TCF7: variants seen among roughly 807,000 people sequenced by gnomAD.
TCF7 encodes transcription factor 7, also known as T-cell-factor-7.
TCF7 carries 19 observed loss-of-function variants against 46.8 expected under a neutral mutation model. The ratio of observed to expected loss-of-function variants is 0.41; its 90% CI spans 0.28 to 0.60. The LOEUF (loss-of-function observed/expected upper bound fraction) is 0.60. TCF7 is among the 20% of genes least tolerant of loss of function. The pLI, the probability that TCF7 is intolerant of heterozygous loss-of-function variation, is 0.35. For missense variants in TCF7, 547 were observed against 504.6 expected, an observed-to-expected ratio of 1.08 and a Z score of -0.81; for synonymous variants, 245 against 213.4, an observed-to-expected ratio of 1.15 and a Z score of -1.29.
intron 4 of TCF7, chr5:134,138,549 C>T (rs1759250143): frequency 7.1e-6 from 2 of 279,730 alleles, no homozygotes; most frequent in East Asian, 1.4e-4. Context: ...TCATTGTCAG[C>T]TGTGGGAAAC....
At chr5:134,112,991 G>C (rs976712821), upstream of TCF7, among the ~76,000 whole-genome samples, 1 of 152,164 alleles carries the variant, frequency 6.6e-6, no homozygotes, top group Admixed American at 6.5e-5. Flanking sequence ...GGGCAGATCC[G>C]GATTCCCTTT....
At chr5:134,115,532 G>C (rs974663803) in intron 2 of TCF7, 145 bp downstream of exon 2, 2 of 1,444,532 alleles carry the variant, frequency 1.4e-6, no homozygotes, top group Non-Finnish European at 1.8e-6. Flanking sequence ...AGAGTGGGGG[G>C]CGGGCTTCCC....
At position 134,146,448 on chromosome 5, in the gene TCF7, C is replaced by T. The variant is rs1208531471; in HGVS notation, c.*145C>T. 1 of 902,712 alleles carries T rather than the reference C, an allele frequency of 1.1e-6. No homozygotes were observed. 55.9% of individuals were successfully genotyped at this position (902,712 alleles called of 1,614,324 possible). A position where few individuals can be genotyped will look rare whatever the true frequency, so the allele number is the denominator to read the frequency against. On this transcript the variant is annotated 3_prime_UTR_variant, in exon 10 of 10. Coordinates refer to ENST00000342854, the MANE Select transcript of TCF7 (RefSeq NM_003202.5). The stretch of plus-strand genomic sequence containing the variant: ...GCTCTCAGCCTCCCAACCCCAGGGC[C>T]CCCACAGGCCCCCCGCAGCACCCTG...
intron 3 of TCF7, among the ~76,000 whole-genome samples, chr5:134,119,055 G>A (rs953568754): frequency 6.6e-6 from 1 of 152,192 alleles, no homozygotes; most frequent in Non-Finnish European, 1.5e-5. Flanking sequence ...GTGGTGAGTG[G>A]GGAGATAGTG....
chr5:134,142,599 T>A, intron 6 of TCF7, 122 bp from the exon 7 acceptor site: 1 of 1,324,642 alleles, frequency 7.5e-7, no homozygotes, highest in Non-Finnish European at 1.0e-6. Context: ...CTAGGAAAGA[T>A]TCCACTTAGA....
In TCF7 at chr5:134,147,320, T is replaced by C. The variant is rs1301257176; in HGVS notation, c.*1017T>C. 3.9e-5 allele frequency: 6 copies of C among 152,304 alleles called. No homozygotes were observed. The highest frequency in any genetic ancestry group is 7.3e-5 in the Non-Finnish European group (5 of 68,124). 9.4% of individuals were successfully genotyped at this position (152,304 alleles called of 1,614,324 possible). ...AGCTGCAGTCAACAGTTCAAAGAAG[T>C]CATGGCCCAAATCCAGTGTGCACCC... On this transcript the variant is annotated 3_prime_UTR_variant, in exon 10 of 10. Coordinates refer to ENST00000342854, the MANE Select transcript of TCF7 (RefSeq NM_003202.5).
chr5:134,115,609 C>G, intron 2 of TCF7: 2 of 1,432,716 alleles, frequency 1.4e-6, no homozygotes, highest in Non-Finnish European at 1.8e-6. Flanking sequence ...CCCCCGCCAT[C>G]CCCGCCTCCC....
intron 5 of TCF7, chr5:134,140,529 G>A (rs1421781705): frequency 6.1e-6 from 2 of 327,628 alleles, no homozygotes; most frequent in African/African-American, 2.2e-5. Flanking sequence ...GCCCTATACC[G>A]TCAAAGAAAC....
the TCF7 span, among the ~76,000 whole-genome samples, chr5:134,108,567 T>A: frequency 3.7e-3 from 568 of 152,244 alleles, 2 homozygotes; most frequent in African/African-American, 0.013. Flanking sequence ...GGGTGAGCTT[T>A]CCTCGGGGCA....
chr5:134,115,647 C>G (rs1755704689), intron 2 of TCF7: 1 of 1,431,938 alleles, frequency 7.0e-7, no homozygotes, highest in African/African-American at 1.4e-5. Flanking sequence ...GACTAATCCG[C>G]CGCCTTCAGG....
At chr5:134,145,692 G>C in intron 9 of TCF7, 1 of 1,604,930 alleles carries the variant, frequency 6.2e-7, no homozygotes, top group Non-Finnish European at 8.5e-7. Flanking sequence ...ATGCACGGTG[G>C]GAAACAACCC....
upstream of TCF7, among the ~76,000 whole-genome samples, chr5:134,113,483 G>A (rs1367945972): frequency 1.3e-5 from 2 of 152,270 alleles, no homozygotes; most frequent in Non-Finnish European, 2.9e-5. Flanking sequence ...CCGCTGCCAG[G>A]GGTCCTGTGG....
chr5:134,115,617 C>T (rs1049264534), intron 2 of TCF7: 1 of 1,431,602 alleles, frequency 7.0e-7, no homozygotes. Context: ...ATCCCCGCCT[C>T]CCCTCCTGCC....
At chr5:134,139,727 A>G (rs1386281915) in intron 5 of TCF7, 1 of 152,320 alleles carries the variant, frequency 6.6e-6, no homozygotes, top group African/African-American at 2.4e-5. Context: ...TCTCTAGCCT[A>G]TTTCAGAGAG....
chr5:134,141,974 A>AATCT (rs1280914453), intron 5 of TCF7: 2 of 533,652 alleles, frequency 3.7e-6, no homozygotes, highest in Non-Finnish European at 6.1e-6. Context: ...TCTGAATGGC[A>AATCT]ATCTATGTAG....
intron 3 of TCF7, among the ~76,000 whole-genome samples, chr5:134,127,691 G>A (rs559303536): frequency 1.2e-4 from 18 of 152,350 alleles, no homozygotes; most frequent in African/African-American, 3.4e-4. Flanking sequence ...ACTGGGGCAC[G>A]TTGAGGGCAG....
chr5:134,138,398 A>G (rs1056921835), intron 4 of TCF7, among the ~76,000 whole-genome samples: 4 of 152,218 alleles, frequency 2.6e-5, no homozygotes, highest in South Asian at 4.1e-4. Context: ...CCTAAATCCC[A>G]TGGGTGACCC....
At chr5:134,142,573 A>T in intron 6 of TCF7, 148 bp from the exon 7 acceptor site, 2 of 1,106,482 alleles carry the variant, frequency 1.8e-6, no homozygotes, top group Non-Finnish European at 2.5e-6. Context: ...CTGTCTGCTC[A>T]CCCATTTGGG....
In TCF7 at chr5:134,142,290, C is replaced by G; in HGVS notation, c.741C>G (p.Pro247=). 1.9e-6 allele frequency: 3 copies of G among 1,592,130 alleles called. No homozygotes were observed. The highest frequency in any genetic ancestry group is 2.6e-6 in the Non-Finnish European group (3 of 1,165,792). ...VPPSGKQELQ[P]FDRNLKTQAE... ...CCTCAGGGAAGCAGGAGCTGCAGCC[C>G]TTCGACCGCAACCTGTGAGTGAAAA... The change falls in exon 6 of 10, where the codon CCC becomes CCG. Residue 247 remains proline (P), a synonymous_variant. Transcript: ENST00000342854.
Sources: allele counts gnomAD v4.1 joint callset (sites outside exome capture counted in the v4.1 genomes callset), GRCh38; gene constraint gnomAD v4.1.1; transcripts MANE v1.5; gene names NCBI Gene and HGNC (gene_info 2026-07-23, HGNC 2026-07-21).